Variants in MAN1A1 observed in about 807,000 individuals in gnomAD.
MAN1A1 encodes mannosidase alpha class 1A member 1, also known as mannosyl-oligosaccharide 1,2-alpha-mannosidase IA.
A neutral mutation model predicts 70.8 loss-of-function variants in MAN1A1; 29 were observed. The ratio of observed to expected loss-of-function variants is 0.41; its 90% CI spans 0.31 to 0.56. The LOEUF is 0.56. Ranked by LOEUF, MAN1A1 falls within the 20% of genes least tolerant of loss-of-function variation. The pLI, the probability that MAN1A1 is intolerant of heterozygous loss-of-function variation, is 0.29. For missense variants in MAN1A1, 747 were observed against 841.3 expected (o/e 0.89, Z 1.39); for synonymous variants, 349 against 330.1 (o/e 1.06, Z -0.62).
chr6:119,347,309 C>G (rs1171582411), intron 2 of MAN1A1, among the ~76,000 whole-genome samples: 2 of 152,208 alleles, frequency 1.3e-5, no homozygotes, highest in African/African-American at 2.4e-5. Context: ...TCTGTTTACT[C>G]TCTGAAAATG....
chr6:119,270,078 T>A (rs1010112716), intron 5 of MAN1A1, among the ~76,000 whole-genome samples: 1 of 152,214 alleles, frequency 6.6e-6, no homozygotes, highest in Non-Finnish European at 1.5e-5. Flanking sequence ...GGCTCCTGAG[T>A]CCTTTGACCT....
chr6:119,178,511 A>G lies in MAN1A1; in HGVS notation c.*1308T>C, dbSNP rs1773062115. On this transcript the variant is annotated 3_prime_UTR_variant, in exon 13 of 13. Transcript: ENST00000368468. ...ATAGTGGGCCAATGTAAGCAAACAC[A>G]AGGTATCACACCAAATCTATTCTTG... is the stretch of plus-strand genomic sequence containing the variant. 1 of 152,106 alleles carries G rather than the reference A, an allele frequency of 6.6e-6. No individual in the cohort carries two copies. 9.4% of individuals were successfully genotyped at this position (152,106 alleles called of 1,614,324 possible).
intron 5 of MAN1A1, among the ~76,000 whole-genome samples, chr6:119,272,606 A>AT (rs1203695131): frequency 6.6e-6 from 1 of 152,202 alleles, no homozygotes; most frequent in African/African-American, 2.4e-5. Context: ...AATAGAGCGT[A>AT]TACACTTATC....
chr6:119,258,611 C>T (rs1048950098), intron 5 of MAN1A1, among the ~76,000 whole-genome samples: 1 of 152,094 alleles, frequency 6.6e-6, no homozygotes, highest in Non-Finnish European at 1.5e-5. Flanking sequence ...CCCACAGATA[C>T]CTAGGCATGA....
At chr6:119,186,440 A>G (rs886123727) in intron 11 of MAN1A1, among the ~76,000 whole-genome samples, 1 of 152,170 alleles carries the variant, frequency 6.6e-6, no homozygotes, top group Non-Finnish European at 1.5e-5. Flanking sequence ...GGGACAGAAG[A>G]GCCAATGAAT....
Position 119,349,197 on chromosome 6 carries a change from C to G in MAN1A1, c.-132G>C. 4 of 1,221,370 alleles carry G rather than the reference C, an allele frequency of 3.3e-6. No homozygotes were observed. Among genetic ancestry groups the G allele is most frequent in the Non-Finnish European group, 4.1e-6 (4 of 982,038 alleles). The allele number at this position is 1,221,370 out of a possible 1,614,324, so 75.7% of individuals were successfully genotyped here. On this transcript the variant is annotated 5_prime_UTR_variant, in exon 2 of 13. Transcript: ENST00000368468. ...GACCCCCTCGGCTGGGCTGCGGATC[C>G]TCCCTGGGGGAACAACTCCGCGCCG...
At chr6:119,322,342 G>C (rs904828389) in intron 2 of MAN1A1, among the ~76,000 whole-genome samples, 1 of 151,994 alleles carries the variant, frequency 6.6e-6, no homozygotes, top group African/African-American at 2.4e-5. Flanking sequence ...TCAGTACTGG[G>C]CCCTGCTCAG....
intron 2 of MAN1A1, among the ~76,000 whole-genome samples, chr6:119,322,417 G>A (rs1430252751): frequency 1.3e-5 from 2 of 152,060 alleles, no homozygotes; most frequent in African/African-American, 2.4e-5. Flanking sequence ...TCAGATCTCC[G>A]TTCTATTCGC....
At chr6:119,341,945 A>G (rs544761688) in intron 2 of MAN1A1, among the ~76,000 whole-genome samples, 1 of 152,336 alleles carries the variant, frequency 6.6e-6, no homozygotes, top group Non-Finnish European at 1.5e-5. Context: ...GTGAGACCCG[A>G]TCTGCATTGT....
intron 6 of MAN1A1, among the ~76,000 whole-genome samples, chr6:119,247,620 C>A (rs530229512): frequency 6.6e-6 from 1 of 152,140 alleles, no homozygotes; most frequent in Non-Finnish European, 1.5e-5. Flanking sequence ...ACCAGAAAGT[C>A]TGTTCAGCCT....
Position 119,250,648 on chromosome 6 carries a change from C to CTCTGTGTGTG in MAN1A1, c.898-2295_898-2294insCACACACAGA, listed in dbSNP as rs373911155. 1.6e-4 allele frequency among the ~76,000 whole-genome samples: 24 copies of CTCTGTGTGTG among 148,636 alleles called. No individual in the cohort carries two copies. The East Asian group carries it at 3.4e-3, about 21-fold the overall frequency. ...CAGACTCCTCTCTCTTGTTCTCTCT[C>CTCTGTGTGTG]TGTGTGTGTGTGTGTGTGTGTGTGT... On this transcript the variant is annotated intron_variant, in intron 5 of 12. Transcript: ENST00000368468.
intron 6 of MAN1A1, among the ~76,000 whole-genome samples, chr6:119,242,515 A>T (rs1437683091): frequency 1.3e-5 from 2 of 152,124 alleles, no homozygotes; most frequent in African/African-American, 2.4e-5. Flanking sequence ...AAATGAAATG[A>T]TGTCCACGAA....
intron 2 of MAN1A1, among the ~76,000 whole-genome samples, chr6:119,311,774 A>G (rs1466370995): frequency 6.6e-6 from 1 of 152,148 alleles, no homozygotes; most frequent in East Asian, 1.9e-4. Context: ...GAGTAACTCT[A>G]TTATCAGAAG....
intron 6 of MAN1A1, among the ~76,000 whole-genome samples, chr6:119,215,313 C>G (rs1474077241): frequency 6.6e-6 from 1 of 152,046 alleles, no homozygotes; most frequent in East Asian, 1.9e-4. Flanking sequence ...CTAATGGAAT[C>G]TGGGCTTTAC....
At chr6:119,265,901 A>G (rs975868532) in intron 5 of MAN1A1, among the ~76,000 whole-genome samples, 10 of 152,238 alleles carry the variant, frequency 6.6e-5, no homozygotes, top group Non-Finnish European at 1.3e-4. Context: ...TCTGAAACTA[A>G]TAAGTGAGTA....
chr6:119,251,253 C>T (rs1775310265), intron 5 of MAN1A1, among the ~76,000 whole-genome samples: 1 of 152,164 alleles, frequency 6.6e-6, no homozygotes, highest in Non-Finnish European at 1.5e-5. Context: ...ATGATAATGA[C>T]TTCCTGTGTT....
intron 2 of MAN1A1, among the ~76,000 whole-genome samples, chr6:119,323,550 TTG>T (rs1394672267): frequency 1.3e-5 from 2 of 152,150 alleles, no homozygotes; most frequent in Admixed American, 1.3e-4. Context: ...TTATTTTTGT[TTG>T]TGTCTTGTGA....
At position 119,193,787 on chromosome 6, in the gene MAN1A1, T is replaced by C; in HGVS notation, c.1316A>G (p.Asp439Gly). 6.2e-7 allele frequency: 1 copy of C among 1,612,370 alleles called. No homozygotes were observed. Among genetic ancestry groups the C allele is most frequent in the Non-Finnish European group, 8.5e-7 (1 of 1,178,766 alleles). Residue 439 changes from aspartate to glycine, a missense_variant, in exon 9 of 13, where the codon GAT becomes GGT. Around this residue, in one of 2 missense-constraint regions of MAN1A1, gnomAD observed 419 missense variants for 548.2 expected, o/e 0.76. Coordinates refer to ENST00000368468, the MANE Select transcript of MAN1A1 (RefSeq NM_005907.4). ...TDLEAKKMYF[D>G]AVQAIETHLI... ...TAAATATTGGGTTACCTGAACAGCATCAAAATACATCTTCTTAGCTTCCAG... is the reference window on the plus strand; with the variant it reads ...TAAATATTGGGTTACCTGAACAGCACCAAAATACATCTTCTTAGCTTCCAG...
chr6:119,213,216 C>A (rs1774100814), intron 6 of MAN1A1, among the ~76,000 whole-genome samples: 1 of 152,076 alleles, frequency 6.6e-6, no homozygotes, highest in Non-Finnish European at 1.5e-5. Flanking sequence ...AAGTAATGCA[C>A]AAATAAAAAT....
Sources: allele counts gnomAD v4.1 joint callset (sites outside exome capture counted in the v4.1 genomes callset), GRCh38; gene constraint gnomAD v4.1.1; regional missense constraint gnomAD v4.1.1; transcripts MANE v1.5; gene names NCBI Gene and HGNC (gene_info 2026-07-23, HGNC 2026-07-21).